RNF216: variants seen among roughly 807,000 people sequenced by gnomAD.
The protein encoded by RNF216 is E3 ubiquitin-protein ligase RNF216.
RNF216 carries 72 observed loss-of-function variants against 110.8 expected under a neutral mutation model. The observed-to-expected ratio is 0.65, with a 90% CI of 0.54 to 0.79. The LOEUF is 0.79. RNF216 is among the 30% of genes least tolerant of loss of function. The pLI is 0.00. For missense variants in RNF216, 1,342 were observed against 1,141.2 expected, an observed-to-expected ratio of 1.18 and a Z score of -2.54; for synonymous variants, 495 against 407.5, an observed-to-expected ratio of 1.21 and a Z score of -2.59.
At chr7:5,739,123 G>C (rs1416167131) in intron 5 of RNF216, among the ~76,000 whole-genome samples, 153 bp downstream of exon 5, 1 of 152,168 alleles carries the variant, frequency 6.6e-6, no homozygotes, top group Non-Finnish European at 1.5e-5. Flanking sequence ...AAAGAGTTCT[G>C]AAGATGGATG....
At chr7:5,764,954 C>A (rs535493353) in intron 1 of RNF216, among the ~76,000 whole-genome samples, 3 of 151,820 alleles carry the variant, frequency 2.0e-5, no homozygotes, top group Non-Finnish European at 2.9e-5. Flanking sequence ...TCTGTGATCC[C>A]AGCTACTCCT....
chr7:5,702,061 C>A (rs577920722), intron 13 of RNF216, among the ~76,000 whole-genome samples: 28 of 152,264 alleles, frequency 1.8e-4, no homozygotes, highest in South Asian at 1.0e-3. Flanking sequence ...CATCTGAGGC[C>A]CCAGGTCGCT....
At chr7:5,642,763 G>T (rs1345356586) in intron 14 of RNF216, among the ~76,000 whole-genome samples, 1 of 152,220 alleles carries the variant, frequency 6.6e-6, no homozygotes, top group East Asian at 1.9e-4. Context: ...ACAAGCGTGA[G>T]CCACTGCGCC....
chr7:5,701,708 A>G (rs954728602), intron 13 of RNF216, among the ~76,000 whole-genome samples: 6 of 152,218 alleles, frequency 3.9e-5, no homozygotes, highest in African/African-American at 1.4e-4. Flanking sequence ...CCACTGAGCT[A>G]TACCGTTTCC....
intron 1 of RNF216, among the ~76,000 whole-genome samples, chr7:5,780,795 T>C (rs567979199): frequency 6.6e-6 from 1 of 152,254 alleles, no homozygotes; most frequent in South Asian, 2.1e-4. Context: ...CCCAGGCCCT[T>C]AGGGATTTAC....
At chr7:5,756,633 G>C (rs1240331232) in intron 2 of RNF216, among the ~76,000 whole-genome samples, 1 of 152,048 alleles carries the variant, frequency 6.6e-6, no homozygotes, top group Non-Finnish European at 1.5e-5. Context: ...TTTGTTTTTT[G>C]TTTTTGCGAC....
At position 5,622,616 on chromosome 7, in the gene RNF216, C is replaced by T. The variant is rs922147917; in HGVS notation, c.*244G>A. 4.8e-5 allele frequency: 24 copies of T among 495,900 alleles called. No homozygotes were observed. Among genetic ancestry groups the T allele is most frequent in the Non-Finnish European group, 4.3e-5 (12 of 279,118 alleles). 30.7% of individuals were successfully genotyped at this position (495,900 alleles called of 1,614,324 possible). On this transcript the variant is annotated 3_prime_UTR_variant, in exon 17 of 17. Coordinates refer to ENST00000389902, the MANE Select transcript of RNF216 (RefSeq NM_207111.4). The stretch of plus-strand genomic sequence containing the variant: ...ACTGCCGTTGGTGGCCTGGGGGATG[C>T]GAGGGGAGGGGCAGTTCACATCGCA...
intron 6 of RNF216, 30 bp downstream of exon 6, chr7:5,730,685 G>A (rs1226850622): frequency 1.9e-6 from 3 of 1,597,938 alleles, no homozygotes; most frequent in Non-Finnish European, 2.6e-6. Flanking sequence ...TTTCCAGGCA[G>A]TGACTGCAAA....
In RNF216 at chr7:5,622,898, G is replaced by C; in HGVS notation, c.2734C>G (p.Pro912Ala). ...CGCGGCTGGGGGCCAAAGTGCATGG[G>C]CAGGTTGTGCTCCAGGGGCATGTGG... ...PIHMPLEHNL[P>A]MHFGPQPRHR... The change falls in exon 17 of 17, where the codon CCC (proline) becomes GCC (alanine). Residue 912 changes from proline to alanine, a missense_variant. Pro to Ala is a conservative substitution (Grantham distance 27). Coordinates refer to ENST00000389902, the MANE Select transcript of RNF216 (RefSeq NM_207111.4). 1 of 1,611,838 alleles carries C rather than the reference G, an allele frequency of 6.2e-7. No individual in the cohort carries two copies. The highest frequency in any genetic ancestry group is 8.5e-7 in the Non-Finnish European group (1 of 1,178,656).
chr7:5,761,867 T>C (rs1419414660), intron 1 of RNF216, among the ~76,000 whole-genome samples: 1 of 152,130 alleles, frequency 6.6e-6, no homozygotes, highest in Non-Finnish European at 1.5e-5. Context: ...AATCATCTTA[T>C]ACATTGCTGG....
chr7:5,663,931 C>T (rs1163156854), intron 13 of RNF216, among the ~76,000 whole-genome samples: 5 of 150,672 alleles, frequency 3.3e-5, no homozygotes, highest in African/African-American at 1.2e-4. Flanking sequence ...AACCCCAAAA[C>T]AAAAAAAAAG....
At chr7:5,640,161 G>A (rs1787649537) in intron 15 of RNF216, among the ~76,000 whole-genome samples, 1 of 151,696 alleles carries the variant, frequency 6.6e-6, no homozygotes, top group Admixed American at 6.6e-5. Context: ...GCCTTCAAAA[G>A]TGCTGGCATC....
chr7:5,629,050 T>C (rs1449766407), intron 15 of RNF216, among the ~76,000 whole-genome samples: 1 of 151,656 alleles, frequency 6.6e-6, no homozygotes, highest in Non-Finnish European at 1.5e-5. Context: ...ATACAAAAAA[T>C]TAGCCAGGTG....
chr7:5,724,754 T>C (rs149112801), intron 8 of RNF216, among the ~76,000 whole-genome samples: 3,001 of 152,320 alleles, frequency 0.02, 43 homozygotes, highest in Non-Finnish European at 0.03. Flanking sequence ...CTAGAAAAGT[T>C]GTAGTAAACG....
chr7:5,632,487 G>A (rs2128560165), intron 15 of RNF216, among the ~76,000 whole-genome samples: 1 of 152,344 alleles, frequency 6.6e-6, no homozygotes, highest in African/African-American at 2.4e-5. Context: ...AGGTGTCCCT[G>A]GATCAGCAAG....
At chr7:5,712,918 T>A (rs555296906) in intron 11 of RNF216, 55 bp from the exon 12 acceptor site, 1 of 1,519,462 alleles carries the variant, frequency 6.6e-7, no homozygotes, top group Non-Finnish European at 8.9e-7. Context: ...TATAGAAAAA[T>A]AAAAAGCGTC....
chr7:5,636,569 A>G (rs1362784149), intron 15 of RNF216, among the ~76,000 whole-genome samples: 2 of 152,214 alleles, frequency 1.3e-5, no homozygotes, highest in Non-Finnish European at 2.9e-5. Flanking sequence ...CTTGTGTGAC[A>G]GTGCATGCTT....
intron 13 of RNF216, among the ~76,000 whole-genome samples, chr7:5,705,839 G>A (rs1584482870): frequency 6.6e-6 from 1 of 151,864 alleles, no homozygotes. Flanking sequence ...CCTGGGAGGC[G>A]GAGGTTATGG....
chr7:5,629,795 C>T (rs1035848854), intron 15 of RNF216, among the ~76,000 whole-genome samples: 2 of 138,748 alleles, frequency 1.4e-5, no homozygotes, highest in African/African-American at 5.7e-5. Flanking sequence ...CCACTGCACT[C>T]CAGCCTGGGC....
Sources: gnomAD v4.1 joint callset for allele counts (sites outside exome capture counted in the v4.1 genomes callset) on GRCh38, gnomAD v4.1.1 for gene constraint, MANE v1.5 for transcripts, NCBI Gene and HGNC (gene_info 2026-07-23, HGNC 2026-07-21) for gene names.